SUGCT: variants seen among roughly 807,000 people sequenced by gnomAD.
SUGCT encodes the protein succinyl-CoA:glutarate CoA-transferase.
A neutral mutation model predicts 55.0 loss-of-function variants in SUGCT; 41 were observed. The ratio of observed to expected loss-of-function variants is 0.74; its 90% CI spans 0.58 to 0.97. The LOEUF (loss-of-function observed/expected upper bound fraction) is 0.97. Among genes scored for constraint, SUGCT ranks in the 50% least tolerant of loss-of-function variants. SUGCT has a pLI of 0.00. For missense variants in SUGCT, 568 were observed against 547.8 expected (o/e 1.04, Z -0.37); for synonymous variants, 187 against 200.4 (o/e 0.93, Z 0.56).
chr7:40,372,629 T>A (rs1016141817), intron 9 of SUGCT, among the ~76,000 whole-genome samples: 4 of 152,086 alleles, frequency 2.6e-5, no homozygotes, highest in Non-Finnish European at 4.4e-5. Context: ...GTTGTGTTAA[T>A]TATTAATAGG....
intron 12 of SUGCT, among the ~76,000 whole-genome samples, chr7:40,583,720 A>G (rs1797223668): frequency 6.6e-6 from 1 of 152,218 alleles, no homozygotes; most frequent in South Asian, 2.1e-4. Context: ...TATTGCCATC[A>G]TAGAGCAAGT....
chr7:40,943,595 A>G, the SUGCT span, among the ~76,000 whole-genome samples: 49 of 149,834 alleles, frequency 3.3e-4, no homozygotes, highest in African/African-American at 1.2e-3. Flanking sequence ...CCATGTCCCT[A>G]CAAAGGACAT....
chr7:40,582,975 A>G (rs1300530014), intron 12 of SUGCT, among the ~76,000 whole-genome samples: 1 of 152,204 alleles, frequency 6.6e-6, no homozygotes, highest in Non-Finnish European at 1.5e-5. Context: ...TGTTTTATGT[A>G]TAAGTAAACA....
At chr7:40,908,310 G>A in the SUGCT span, among the ~76,000 whole-genome samples, 1 of 150,546 alleles carries the variant, frequency 6.6e-6, no homozygotes, top group Admixed American at 6.6e-5. Context: ...GTGAACCTGG[G>A]AGGTGGAGCT....
At chr7:40,658,568 G>C (rs1201091431) in intron 12 of SUGCT, among the ~76,000 whole-genome samples, 2 of 151,988 alleles carry the variant, frequency 1.3e-5, no homozygotes, top group Non-Finnish European at 2.9e-5. Context: ...TGTTACTCTG[G>C]TTACAGGCGG....
chr7:40,934,785 A>G, the SUGCT span, among the ~76,000 whole-genome samples: 1 of 152,218 alleles, frequency 6.6e-6, no homozygotes, highest in Non-Finnish European at 1.5e-5. Flanking sequence ...CCGGTTGCTA[A>G]GGTCGTGGGA....
At chr7:40,947,499 T>C in the SUGCT span, among the ~76,000 whole-genome samples, 1 of 125,170 alleles carries the variant, frequency 8.0e-6, no homozygotes, top group Admixed American at 7.7e-5. Context: ...ATACTTTCTC[T>C]CTTTTTTTTT....
chr7:40,483,464 C>A (rs1791165974), intron 11 of SUGCT, among the ~76,000 whole-genome samples: 1 of 152,092 alleles, frequency 6.6e-6, no homozygotes, highest in Non-Finnish European at 1.5e-5. Flanking sequence ...ATTCATTTAA[C>A]TTATCATAAT....
chr7:40,776,658 C>G (rs1288073710), intron 13 of SUGCT, among the ~76,000 whole-genome samples: 2 of 152,160 alleles, frequency 1.3e-5, no homozygotes, highest in Non-Finnish European at 2.9e-5. Context: ...ATATTTGAAG[C>G]TGAATCTCTT....
At chr7:40,739,060 G>T (rs1787325076) in intron 12 of SUGCT, among the ~76,000 whole-genome samples, 1 of 152,078 alleles carries the variant, frequency 6.6e-6, no homozygotes, top group Non-Finnish European at 1.5e-5. Flanking sequence ...AGATTAACAT[G>T]CAGTGATAAG....
intron 12 of SUGCT, among the ~76,000 whole-genome samples, chr7:40,694,151 G>A (rs1345903190): frequency 3.3e-5 from 5 of 152,038 alleles, no homozygotes; most frequent in African/African-American, 4.8e-5. Flanking sequence ...TTCTATTTTC[G>A]TTTTCCGTTT....
chr7:40,711,890 C>T (rs1321047550), intron 12 of SUGCT, among the ~76,000 whole-genome samples: 1 of 152,198 alleles, frequency 6.6e-6, no homozygotes, highest in Non-Finnish European at 1.5e-5. Flanking sequence ...TTGACATGTA[C>T]AGAACAGGAT....
At chr7:40,763,628 A>G (rs1291689877) in intron 13 of SUGCT, among the ~76,000 whole-genome samples, 1 of 152,142 alleles carries the variant, frequency 6.6e-6, no homozygotes, top group African/African-American at 2.4e-5. Flanking sequence ...AGCTTGCCCA[A>G]GGTTGCACAG....
intron 9 of SUGCT, among the ~76,000 whole-genome samples, chr7:40,335,159 T>C (rs958456254): frequency 6.6e-6 from 1 of 152,248 alleles, no homozygotes; most frequent in African/African-American, 2.4e-5. Context: ...ACTGTAGCCT[T>C]GTAGTATAGT....
intron 12 of SUGCT, among the ~76,000 whole-genome samples, chr7:40,525,504 G>T (rs559260338): frequency 6.6e-6 from 1 of 152,206 alleles, no homozygotes; most frequent in Admixed American, 6.5e-5. Flanking sequence ...AGGATTAAGA[G>T]ATTGTTCAGT....
At chr7:40,382,818 T>G (rs910840610) in intron 9 of SUGCT, among the ~76,000 whole-genome samples, 1 of 152,182 alleles carries the variant, frequency 6.6e-6, no homozygotes, top group Non-Finnish European at 1.5e-5. Flanking sequence ...TTTGAAGTTG[T>G]GAGATGACGT....
At chr7:40,217,809 G>C (rs1335322757) in intron 6 of SUGCT, among the ~76,000 whole-genome samples, 3 of 152,182 alleles carry the variant, frequency 2.0e-5, no homozygotes, top group Admixed American at 6.5e-5. Flanking sequence ...TTGGCTACTT[G>C]CCACGGGGTT....
At chr7:40,795,133 T>TA (rs949987806) in intron 13 of SUGCT, among the ~76,000 whole-genome samples, 2 of 152,046 alleles carry the variant, frequency 1.3e-5, no homozygotes, top group African/African-American at 4.8e-5. Context: ...GCATGATGTA[T>TA]AATACACCAG....
the SUGCT span, among the ~76,000 whole-genome samples, chr7:40,970,171 G>C: frequency 6.6e-6 from 1 of 151,890 alleles, no homozygotes. Context: ...CTATGGTTTT[G>C]TTTTTCTTTT....
Sources: allele counts gnomAD v4.1 joint callset (sites outside exome capture counted in the v4.1 genomes callset), GRCh38; gene constraint gnomAD v4.1.1; transcripts MANE v1.5; gene names NCBI Gene and HGNC (gene_info 2026-07-23, HGNC 2026-07-21).